The following IQSEC1 variants were observed in gnomAD, a reference collection of about 807,000 sequenced individuals.
IQSEC1 encodes IQ motif and Sec7 domain ArfGEF 1, also known as IQ motif and SEC7 domain-containing protein 1.
IQSEC1 carries 31 observed loss-of-function variants against 91.0 expected under a neutral mutation model. The ratio of observed to expected loss-of-function variants is 0.34; its 90% CI spans 0.26 to 0.46. The LOEUF (loss-of-function observed/expected upper bound fraction) is 0.46. Among genes scored for constraint, IQSEC1 ranks in the 20% least tolerant of loss-of-function variants. The probability of loss-of-function intolerance (pLI) is 1.00; values close to 1 mark genes in which losing one functional copy is unlikely to be tolerated. For missense variants in IQSEC1, 1,388 were observed against 1,575.6 expected (o/e 0.88, Z 2.02); for synonymous variants, 699 against 662.6 (o/e 1.05, Z -0.84).
intron 1 of IQSEC1, among the ~76,000 whole-genome samples, chr3:12,943,538 G>A (rs1009848083): frequency 2.0e-5 from 3 of 152,154 alleles, no homozygotes; most frequent in Non-Finnish European, 4.4e-5. Context: ...CTGCTCCCAC[G>A]GGCCGGGGTG....
chr3:12,988,822 G>C (rs556296598), intron 1 of IQSEC1, among the ~76,000 whole-genome samples: 21 of 152,304 alleles, frequency 1.4e-4, no homozygotes, highest in African/African-American at 5.1e-4. Flanking sequence ...ATTTAAAATA[G>C]AAAGGTACAT....
intron 1 of IQSEC1, among the ~76,000 whole-genome samples, chr3:13,018,348 G>A (rs1177796412): frequency 6.6e-6 from 1 of 152,208 alleles, no homozygotes; most frequent in African/African-American, 2.4e-5. Flanking sequence ...TGGGAAGGCA[G>A]AGGGGGGCAG....
At chr3:12,975,659 C>T (rs946761640) in intron 1 of IQSEC1, among the ~76,000 whole-genome samples, 1 of 152,234 alleles carries the variant, frequency 6.6e-6, no homozygotes, top group African/African-American at 2.4e-5. Context: ...AATGCAGGTT[C>T]TGTGCTAAAT....
At chr3:13,107,749 C>T (rs1706175154) in intron 2 of IQSEC1, among the ~76,000 whole-genome samples, 1 of 152,260 alleles carries the variant, frequency 6.6e-6, no homozygotes, top group African/African-American at 2.4e-5. Context: ...AATCCCGCCC[C>T]TGGGCCGCTG....
intron 1 of IQSEC1, among the ~76,000 whole-genome samples, chr3:13,048,144 C>T (rs983841920): frequency 2.0e-5 from 3 of 152,206 alleles, no homozygotes; most frequent in Admixed American, 2.0e-4. Context: ...AGACTTGGTG[C>T]CTGTCCCCTC....
In IQSEC1 at chr3:13,266,779, C is replaced by T. The variant is rs971794079; in HGVS notation, c.272+15932G>A. ...GAGGCCAGGACAATTAGGGGCTCAC[C>T]GTCCTCCCTAACAACGCTCGCTGCC... On this transcript the variant is annotated intron_variant, in intron 1 of 15. Coordinates refer to the IQSEC1 transcript ENST00000648114. Among the ~76,000 whole-genome samples, 11 of 152,092 alleles carry T rather than the reference C, an allele frequency of 7.2e-5. No homozygotes were observed. In the South Asian group the frequency reaches 8.3e-4, roughly 11 times the overall value.
chr3:12,927,313 G>A (rs1349774734), intron 3 of IQSEC1, among the ~76,000 whole-genome samples: 1 of 152,106 alleles, frequency 6.6e-6, no homozygotes, highest in Non-Finnish European at 1.5e-5. Flanking sequence ...GGCGTCCCTG[G>A]GCCTATGCTC....
intron 2 of IQSEC1, among the ~76,000 whole-genome samples, chr3:13,113,396 G>A (rs1706282961): frequency 6.6e-6 from 1 of 152,198 alleles, no homozygotes; most frequent in Non-Finnish European, 1.5e-5. Flanking sequence ...ACCTCTCTGG[G>A]CCTCAGCCTG....
Position 13,170,555 on chromosome 3 carries a change from C to T in IQSEC1, c.273-6422G>A, listed in dbSNP as rs558920973. Among the ~76,000 whole-genome samples the T allele has an allele frequency of 1.4e-4, 21 of 152,294 alleles. No homozygotes were observed. In the South Asian group the frequency reaches 1.9e-3, roughly 14 times the overall value. On this transcript the variant is annotated intron_variant, in intron 1 of 15. Coordinates refer to the IQSEC1 transcript ENST00000648114. Reference sequence around the variant, plus strand: ...CTCAATGCCAGCCAGTGAAAGCAGCCGGGAGGGAGGCTGTACCCTGCAAAA... The same window carrying T: ...CTCAATGCCAGCCAGTGAAAGCAGCTGGGAGGGAGGCTGTACCCTGCAAAA...
At chr3:13,115,481 G>T in intron 2 of IQSEC1, among the ~76,000 whole-genome samples, 1 of 152,206 alleles carries the variant, frequency 6.6e-6, no homozygotes, top group East Asian at 1.9e-4. Flanking sequence ...GGTGCTGCTG[G>T]TCTGCATGAG....
chr3:13,181,946 C>T (rs147841573), intron 1 of IQSEC1, among the ~76,000 whole-genome samples: 16 of 152,370 alleles, frequency 1.1e-4, no homozygotes, highest in African/African-American at 3.4e-4. Context: ...TAGTTCACTG[C>T]TGTGCCCCAG....
At chr3:12,903,610 A>G (rs903778330) in intron 12 of IQSEC1, among the ~76,000 whole-genome samples, 4 of 152,234 alleles carry the variant, frequency 2.6e-5, no homozygotes, top group Non-Finnish European at 5.9e-5. Context: ...GAGCAAGGCC[A>G]GGTCTTCCTC....
intron 1 of IQSEC1, among the ~76,000 whole-genome samples, chr3:13,038,260 G>GTATATATATATATA (rs1452632242): frequency 1.5e-3 from 95 of 62,288 alleles, no homozygotes; most frequent in South Asian, 8.7e-3. Flanking sequence ...GTGTGTGTGT[G>GTATATATATATATA]TGTATATATA....
intron 1 of IQSEC1, among the ~76,000 whole-genome samples, chr3:12,986,230 C>T (rs977739002): frequency 3.9e-5 from 6 of 152,194 alleles, no homozygotes; most frequent in Admixed American, 3.3e-4. Flanking sequence ...GGGAGCTGGG[C>T]TGGGACCTGA....
intron 2 of IQSEC1, among the ~76,000 whole-genome samples, chr3:13,155,746 C>T (rs751112110): frequency 6.6e-6 from 1 of 152,040 alleles, no homozygotes; most frequent in African/African-American, 2.4e-5. Context: ...AATTCAGTAG[C>T]CCAATAAAAG....
chr3:12,986,971 C>T (rs924986545), intron 1 of IQSEC1: 4 of 430,840 alleles, frequency 9.3e-6, no homozygotes, highest in African/African-American at 4.1e-5. Flanking sequence ...CTTCCCTTAC[C>T]TTGGTCCAGT....
chr3:12,913,800 G>A (rs546983613), intron 8 of IQSEC1, among the ~76,000 whole-genome samples: 11 of 152,290 alleles, frequency 7.2e-5, no homozygotes, highest in South Asian at 2.1e-4. Flanking sequence ...GACTAGGGAC[G>A]TGCCCCAGCT....
intron 2 of IQSEC1, among the ~76,000 whole-genome samples, chr3:13,152,181 G>A (rs1032958797): frequency 3.3e-5 from 5 of 152,202 alleles, no homozygotes; most frequent in African/African-American, 9.6e-5. Flanking sequence ...AAACGTATGC[G>A]GCAATATGGA....
Position 12,967,407 on chromosome 3 carries a change from C to T in IQSEC1, c.24-25542G>A. The T allele has an allele frequency of 1.3e-6, 2 of 1,536,020 alleles. No individual in the cohort carries two copies. The highest frequency in any genetic ancestry group is 1.7e-6 in the Non-Finnish European group (2 of 1,144,922). On this transcript the variant is annotated intron_variant, in intron 1 of 13. Transcript: ENST00000613206. The surrounding 1 kb of genome is among the most constrained non-coding windows in gnomAD (Gnocchi z 5.9). ...CTCACCCGCTGTCAAGCTCTAGCTC[C>T]AGAAGGGACTGGGTCCTCTCCGAGT...
Sources: gnomAD v4.1 joint callset for allele counts (sites outside exome capture counted in the v4.1 genomes callset) on GRCh38, gnomAD v4.1.1 for gene constraint, Gnocchi (gnomAD v3.1) non-coding constraint, MANE v1.5 for transcripts, NCBI Gene and HGNC (gene_info 2026-07-23, HGNC 2026-07-21) for gene names.